Variants in LUZP2 observed in about 807,000 individuals in gnomAD.
LUZP2 encodes leucine zipper protein 2.
A neutral mutation model predicts 51.6 loss-of-function variants in LUZP2; 52 were observed. The observed-to-expected ratio is 1.01, with a 90% CI of 0.81 to 1.27. LUZP2 has a LOEUF of 1.27. LUZP2 is among the 50% of genes most tolerant of loss of function. The pLI, the probability that LUZP2 is intolerant of heterozygous loss-of-function variation, is 0.00. For synonymous variants in LUZP2, 154 were observed against 137.3 expected (o/e 1.12, Z -0.85); for missense variants, 436 against 395.4 (o/e 1.10, Z -0.87).
At chr11:24,620,803 T>C (rs1854469007) in intron 1 of LUZP2, among the ~76,000 whole-genome samples, 1 of 152,174 alleles carries the variant, frequency 6.6e-6, no homozygotes. Context: ...ATTGCTACAA[T>C]GTAAGTCAAA....
chr11:24,913,701 G>A (rs1214638203), intron 6 of LUZP2, among the ~76,000 whole-genome samples: 2 of 150,364 alleles, frequency 1.3e-5, no homozygotes, highest in East Asian at 4.0e-4. Context: ...GTGTGTTATT[G>A]GTTATTGGTG....
intron 9 of LUZP2, among the ~76,000 whole-genome samples, chr11:25,042,991 G>T (rs895442625): frequency 4.6e-5 from 7 of 152,272 alleles, no homozygotes; most frequent in Admixed American, 2.0e-4. Flanking sequence ...TGATCTGGTA[G>T]AATTAGTGTT....
At chr11:24,676,255 A>G (rs990358984) in intron 1 of LUZP2, among the ~76,000 whole-genome samples, 2 of 152,210 alleles carry the variant, frequency 1.3e-5, no homozygotes, top group Non-Finnish European at 2.9e-5. Context: ...GCTTTAAAAG[A>G]CAGGTAATTT....
At position 24,538,690 on chromosome 11, in the gene LUZP2, CA is replaced by C. The variant is rs202099765; in HGVS notation, c.62+41392del. Reference sequence around the variant, plus strand: ...TGTGTATATATATATATAAAACTTTCAAAAAAATAAGTCCATTTCTGATAAT... The same window carrying C: ...TGTGTATATATATATATAAAACTTTCAAAAAATAAGTCCATTTCTGATAAT... On this transcript the variant is annotated intron_variant, in intron 1 of 11. Transcript: ENST00000336930. 8.7e-3 allele frequency among the ~76,000 whole-genome samples: 1,313 copies of C among 150,084 alleles called. 21 individuals carry two copies. Among genetic ancestry groups the C allele is most frequent in the African/African-American group, 0.031 (1,256 of 40,938 alleles).
intron 10 of LUZP2, among the ~76,000 whole-genome samples, chr11:25,074,945 C>A (rs1320546608): frequency 6.6e-6 from 1 of 152,148 alleles, no homozygotes; most frequent in Non-Finnish European, 1.5e-5. Context: ...ATGACAGGAA[C>A]TCCACTCTTA....
intron 1 of LUZP2, among the ~76,000 whole-genome samples, chr11:24,595,125 TACACAG>T (rs1220186477): frequency 1.3e-4 from 19 of 150,472 alleles, no homozygotes; most frequent in African/African-American, 4.4e-4. Flanking sequence ...CTCAAATTCT[TACACAG>T]AGGCAATTTT....
chr11:24,867,596 A>G (rs1295187751), intron 5 of LUZP2, among the ~76,000 whole-genome samples: 1 of 152,140 alleles, frequency 6.6e-6, no homozygotes, highest in Non-Finnish European at 1.5e-5. Context: ...ATGGAGACTT[A>G]CACATGCTTT....
At chr11:24,645,840 AGT>A (rs3077994) in intron 1 of LUZP2, among the ~76,000 whole-genome samples, 71,326 of 149,502 alleles carry the variant, frequency 0.48, 17,566 homozygotes, top group East Asian at 0.91. Flanking sequence ...ATATATATTA[AGT>A]GTGTGTGTGT....
intron 1 of LUZP2, among the ~76,000 whole-genome samples, chr11:24,667,184 C>CTTTTTT (rs199740839): frequency 2.3e-5 from 3 of 132,054 alleles, no homozygotes; most frequent in African/African-American, 2.9e-5. Flanking sequence ...TTCTTTTTTT[C>CTTTTTT]TTTTTTTTTT....
intron 10 of LUZP2, among the ~76,000 whole-genome samples, chr11:25,075,186 T>C (rs977437427): frequency 2.0e-5 from 3 of 152,184 alleles, no homozygotes; most frequent in Non-Finnish European, 4.4e-5. Context: ...TTAGGCGGTG[T>C]AGAAGATTCC....
Position 24,983,220 on chromosome 11 carries a change from C to T in LUZP2, c.692C>T (p.Ser231Leu). The T allele has an allele frequency of 1.9e-6, 3 of 1,612,326 alleles. No homozygotes were observed. The highest frequency in any genetic ancestry group is 2.5e-6 in the Non-Finnish European group (3 of 1,178,892). ...CCTCCCCCTTTGAGTTTAATCACAT[C>T]AAATCCAACTCGGATGTTACTCCCA... ...QPPPPLSLIT[S>L]NPTRMLLPPR... The change falls in exon 9 of 12, where the codon TCA (serine) becomes TTA (leucine). Residue 231 changes from serine (S) to leucine (L), a missense_variant. Transcript: ENST00000336930.
intron 9 of LUZP2, among the ~76,000 whole-genome samples, chr11:24,999,899 T>G (rs565131633): frequency 2.4e-4 from 37 of 152,102 alleles, no homozygotes; most frequent in African/African-American, 8.9e-4. Context: ...GCAGCAAGAT[T>G]TATTGTGAAG....
At chr11:24,804,094 C>T (rs1849781437) in intron 5 of LUZP2, among the ~76,000 whole-genome samples, 1 of 151,326 alleles carries the variant, frequency 6.6e-6, no homozygotes, top group Non-Finnish European at 1.5e-5. Flanking sequence ...CCTTAATTTT[C>T]TGTGGACACT....
At chr11:24,878,866 T>C (rs916111420) in intron 5 of LUZP2, among the ~76,000 whole-genome samples, 27 of 152,136 alleles carry the variant, frequency 1.8e-4, no homozygotes, top group African/African-American at 6.5e-4. Flanking sequence ...TGAGAATGTG[T>C]GGTGTTTGGT....
chr11:24,850,854 T>G lies in LUZP2; in HGVS notation c.397-55137T>G, dbSNP rs10834498. On this transcript the variant is annotated intron_variant, in intron 5 of 11. Transcript: ENST00000336930. ...TCTTCACATCCCTTGTAAGTTGTAT[T>G]CCTAGGTATTTTAATCTCTTTGTAG... Among the ~76,000 whole-genome samples, 5 of 151,984 alleles carry G rather than the reference T, an allele frequency of 3.3e-5. No homozygotes were observed. The South Asian group carries it at 8.3e-4, about 25-fold the overall frequency.
chr11:24,738,083 G>C (rs950700518), intron 3 of LUZP2, 138 bp from the exon 4 acceptor site: 5 of 527,216 alleles, frequency 9.5e-6, no homozygotes, highest in Non-Finnish European at 1.7e-5. Context: ...CATCCTGTAT[G>C]CTTAACTGTG....
chr11:25,024,828 G>A (rs569803860), intron 9 of LUZP2, among the ~76,000 whole-genome samples: 13 of 146,574 alleles, frequency 8.9e-5, no homozygotes, highest in Admixed American at 3.4e-4. Flanking sequence ...AAAAGAGCCC[G>A]CATCACCAAG....
At chr11:24,671,290 T>C (rs1856394835) in intron 1 of LUZP2, among the ~76,000 whole-genome samples, 1 of 152,014 alleles carries the variant, frequency 6.6e-6, no homozygotes, top group Non-Finnish European at 1.5e-5. Context: ...CAGTTTTTTG[T>C]AAATTTTATC....
intron 1 of LUZP2, among the ~76,000 whole-genome samples, chr11:24,663,532 C>T: frequency 6.6e-6 from 1 of 152,110 alleles, no homozygotes; most frequent in East Asian, 1.9e-4. Flanking sequence ...GTGTGACTTT[C>T]TTCTCAAGAT....
Sources: allele counts gnomAD v4.1 joint callset (sites outside exome capture counted in the v4.1 genomes callset), GRCh38; gene constraint gnomAD v4.1.1; transcripts MANE v1.5; gene names NCBI Gene and HGNC (gene_info 2026-07-23, HGNC 2026-07-21).